SPATA13: variants seen among roughly 807,000 people sequenced by gnomAD.
SPATA13 encodes the protein spermatogenesis-associated protein 13.
Under a neutral mutation model 104.0 loss-of-function variants are expected in SPATA13, and 50 were observed. That is an observed-to-expected ratio of 0.48 (90% confidence interval 0.38 to 0.61). SPATA13 has a LOEUF of 0.61. SPATA13 is among the 20% of genes least tolerant of loss of function. The pLI, the probability that SPATA13 is intolerant of heterozygous loss-of-function variation, is 0.00. For synonymous variants in SPATA13, 606 were observed against 667.5 expected (o/e 0.91, Z 1.42); for missense variants, 1,524 against 1,690.6 (o/e 0.90, Z 1.73).
chr13:24,249,988 G>A, intron 3 of SPATA13, 146 bp downstream of exon 3: 1 of 1,102,790 alleles, frequency 9.1e-7, no homozygotes, highest in African/African-American at 1.6e-5. Context: ...CTTCCTGACT[G>A]TGTGAAAACA....
In SPATA13 at chr13:24,304,992, G is replaced by A. The variant is rs569079065; in HGVS notation, c.*2219G>A. ...CTGCACACCTTAGCAATAACTGTAG[G>A]GGTCTCTGCTAGAGTTGTTTGTATG... On this transcript the variant is annotated 3_prime_UTR_variant, in exon 13 of 13. Transcript: ENST00000382108. 6.6e-6 allele frequency: 1 copy of A among 152,282 alleles called. No homozygotes were observed. The highest frequency in any genetic ancestry group is 2.4e-5 in the African/African-American group (1 of 41,560). 9.4% of individuals were successfully genotyped at this position (152,282 alleles called of 1,614,324 possible). A position where few individuals can be genotyped will look rare whatever the true frequency, so the allele number is the denominator to read the frequency against.
intron 4 of SPATA13, among the ~76,000 whole-genome samples, chr13:24,253,471 A>G (rs1873618256): frequency 6.6e-6 from 1 of 152,164 alleles, no homozygotes; most frequent in Non-Finnish European, 1.5e-5. Flanking sequence ...TTGATTAACT[A>G]GAGGCAGATT....
intron 3 of SPATA13, among the ~76,000 whole-genome samples, chr13:24,087,598 T>C (rs1283330473): frequency 6.6e-6 from 1 of 152,114 alleles, no homozygotes; most frequent in Non-Finnish European, 1.5e-5. Flanking sequence ...TTAAAGTCAG[T>C]GAACAGTGGG....
rs1876887922 is a variant in SPATA13 at position 24,297,656 on chromosome 13, C to G, written c.3504C>G (p.Ala1168=). Residue 1168 remains alanine, a synonymous_variant, in exon 11 of 13, where the codon GCC becomes GCG. Transcript: ENST00000382108. ...RTTDEVYLFC[A]KKQEDKARWL... ...CAGACGAGGTTTATTTGTTTTGTGC[C>G]AAAAAACAAGAAGACAAGGCGAGGT... The G allele has an allele frequency of 6.2e-7, 1 of 1,614,118 alleles. No individual in the cohort carries two copies. Among genetic ancestry groups the G allele is most frequent in the African/African-American group, 1.3e-5 (1 of 75,014 alleles).
In SPATA13 at chr13:24,025,341, A is replaced by T. The variant is rs1877164442; in HGVS notation, c.-112+7640A>T. Among the ~76,000 whole-genome samples, 4 of 152,120 alleles carry T rather than the reference A, an allele frequency of 2.6e-5. No homozygotes were observed. The South Asian group carries it at 6.2e-4, about 24-fold the overall frequency. Reference sequence around the variant, plus strand: ...ATTTCTGTGTACTTATATACCAAAAAATATATATAATAATAATACATGTGT... The same window carrying T: ...ATTTCTGTGTACTTATATACCAAAATATATATATAATAATAATACATGTGT... On this transcript the variant is annotated intron_variant, in intron 3 of 14. Coordinates refer to the SPATA13 transcript ENST00000424834.
intron 1 of SPATA13, among the ~76,000 whole-genome samples, chr13:23,980,455 C>T (rs1395657688): frequency 6.6e-6 from 1 of 152,254 alleles, no homozygotes; most frequent in Non-Finnish European, 1.5e-5. Context: ...AATCCACAGT[C>T]CGCTGGCAGC....
chr13:24,089,677 G>T (rs1879851675), intron 3 of SPATA13, among the ~76,000 whole-genome samples: 1 of 152,218 alleles, frequency 6.6e-6, no homozygotes, highest in South Asian at 2.1e-4. Flanking sequence ...GAATATAGTT[G>T]TCCTACAGGA....
At chr13:24,056,888 G>A (rs990929111) in intron 3 of SPATA13, among the ~76,000 whole-genome samples, 4 of 150,936 alleles carry the variant, frequency 2.7e-5, no homozygotes, top group African/African-American at 9.7e-5. Flanking sequence ...CCTTGACAGG[G>A]CAAGGGGAAA....
In SPATA13 at chr13:24,297,755, G is replaced by C; in HGVS notation, c.3583+20G>C. The stretch of plus-strand genomic sequence containing the variant: ...AGATGGGTGAGCAGCCCTTGGCTCT[G>C]CAGGCACCTGTGCCTCTGCTTGCTG... On this transcript the variant is annotated intron_variant, in intron 11 of 12. Coordinates refer to ENST00000382108, the MANE Select transcript of SPATA13 (RefSeq NM_001166271.3). 6.3e-7 allele frequency: 1 copy of C among 1,592,986 alleles called. No individual in the cohort carries two copies. The highest frequency in any genetic ancestry group is 1.1e-5 in the South Asian group (1 of 88,378).
intron 1 of SPATA13, among the ~76,000 whole-genome samples, chr13:24,206,091 A>G (rs1593417118): frequency 6.6e-6 from 1 of 152,230 alleles, no homozygotes; most frequent in Non-Finnish European, 1.5e-5. Flanking sequence ...ATCTAATTAC[A>G]CTAAAGAGCT....
intron 3 of SPATA13, among the ~76,000 whole-genome samples, chr13:24,143,109 G>A (rs951395617): frequency 1.3e-5 from 2 of 152,234 alleles, no homozygotes; most frequent in Non-Finnish European, 2.9e-5. Context: ...AGGGAAGGCT[G>A]GTGCCTCATC....
intron 1 of SPATA13, among the ~76,000 whole-genome samples, chr13:24,174,385 G>T (rs1883128151): frequency 6.6e-6 from 1 of 150,772 alleles, no homozygotes; most frequent in Non-Finnish European, 1.5e-5. Flanking sequence ...GGCTTAGTTT[G>T]CTTTTTTTTT....
chr13:24,004,585 G>A (rs893141438), intron 2 of SPATA13, among the ~76,000 whole-genome samples: 1 of 152,158 alleles, frequency 6.6e-6, no homozygotes, highest in South Asian at 2.1e-4. Flanking sequence ...GAGTTCTCCT[G>A]GGTGTCCTGG....
intron 1 of SPATA13, among the ~76,000 whole-genome samples, chr13:24,169,186 T>C (rs2138501841): frequency 6.6e-6 from 1 of 152,152 alleles, no homozygotes; most frequent in East Asian, 1.9e-4. Flanking sequence ...AGGCTTGGGC[T>C]CTTTACTCGG....
chr13:24,213,369 C>G (rs1335170850), intron 1 of SPATA13, among the ~76,000 whole-genome samples: 1 of 152,168 alleles, frequency 6.6e-6, no homozygotes, highest in Non-Finnish European at 1.5e-5. Context: ...TGGGTTCAAG[C>G]AATTCTTTTG....
chr13:23,991,914 T>C (rs981458619), intron 2 of SPATA13, among the ~76,000 whole-genome samples: 6 of 152,172 alleles, frequency 3.9e-5, no homozygotes, highest in Admixed American at 1.3e-4. Flanking sequence ...TATAGTGCAA[T>C]GTGGAAAGCC....
chr13:24,004,064 T>TGGTGA (rs1876107436), intron 2 of SPATA13, among the ~76,000 whole-genome samples: 1 of 152,220 alleles, frequency 6.6e-6, no homozygotes, highest in Non-Finnish European at 1.5e-5. Context: ...TGGTGGGCAC[T>TGGTGA]CCTGGGCTTT....
chr13:24,072,502 C>A (rs562080592), intron 3 of SPATA13, among the ~76,000 whole-genome samples: 3 of 152,164 alleles, frequency 2.0e-5, no homozygotes, highest in South Asian at 4.1e-4. Flanking sequence ...TTCTGATGCA[C>A]CTACTTCACT....
Position 24,286,084 on chromosome 13 carries a change from G to GT in SPATA13, c.2302-130_2302-129insT. The GT allele has an allele frequency of 1.2e-6, 1 of 852,942 alleles. No homozygotes were observed. The highest frequency in any genetic ancestry group is 1.8e-6 in the Non-Finnish European group (1 of 550,996). 52.8% of individuals were successfully genotyped at this position (852,942 alleles called of 1,614,324 possible). A position where few individuals can be genotyped will look rare whatever the true frequency, so the allele number is the denominator to read the frequency against. On this transcript the variant is annotated intron_variant, in intron 5 of 12. Coordinates refer to ENST00000382108, the MANE Select transcript of SPATA13 (RefSeq NM_001166271.3). This position sits in a 1 kb window ranked among gnomAD's most constrained non-coding sequence, Gnocchi z 4.9. The stretch of plus-strand genomic sequence containing the variant: ...GTGTAACCAGTCACATAGTCAGTGT[G>GT]GACCAAATGCCACCAGCATATCCAA...
Sources: gnomAD v4.1 joint callset for allele counts (sites outside exome capture counted in the v4.1 genomes callset) on GRCh38, gnomAD v4.1.1 for gene constraint, Gnocchi (gnomAD v3.1) non-coding constraint, MANE v1.5 for transcripts, NCBI Gene and HGNC (gene_info 2026-07-23, HGNC 2026-07-21) for gene names.